The following SLMAP variants were observed in gnomAD, a reference collection of about 807,000 sequenced individuals.
The protein encoded by SLMAP is sarcolemma associated protein.
Under a neutral mutation model 128.8 loss-of-function variants are expected in SLMAP, and 44 were observed. That is an observed-to-expected ratio of 0.34 (90% CI 0.27 to 0.44). SLMAP has a LOEUF of 0.44. Among genes scored for constraint, SLMAP ranks in the 20% least tolerant of loss-of-function variants. SLMAP has a pLI of 1.00. For missense variants in SLMAP, 787 were observed against 985.3 expected (o/e 0.80, Z 2.69); for synonymous variants, 327 against 348.8 (o/e 0.94, Z 0.70).
At chr3:57,921,699 C>G (rs993154651) in intron 22 of SLMAP, among the ~76,000 whole-genome samples, 2 of 152,016 alleles carry the variant, frequency 1.3e-5, no homozygotes, top group African/African-American at 4.8e-5. Context: ...AGTTGATAAC[C>G]TAAGTTTTTT....
intron 15 of SLMAP, among the ~76,000 whole-genome samples, chr3:57,892,044 A>T (rs2096088043): frequency 6.6e-6 from 1 of 152,340 alleles, no homozygotes; most frequent in Non-Finnish European, 1.5e-5. Flanking sequence ...TTCTTTAAGA[A>T]TAATACAAAT....
chr3:57,781,419 A>AT (rs1273970726), intron 2 of SLMAP, among the ~76,000 whole-genome samples: 5 of 152,114 alleles, frequency 3.3e-5, no homozygotes, highest in Non-Finnish European at 5.9e-5. Flanking sequence ...GATATGGGAG[A>AT]TTTTCTAAGA....
chr3:57,875,555 C>T lies in SLMAP; in HGVS notation c.1300+3857C>T, dbSNP rs181441989. 3.2e-3 allele frequency among the ~76,000 whole-genome samples: 488 copies of T among 152,244 alleles called. 2 individuals are homozygous for T. The highest frequency in any genetic ancestry group is 0.011 in the African/African-American group (462 of 41,558). On this transcript the variant is annotated intron_variant, in intron 14 of 24. Coordinates refer to ENST00000671191, the MANE Select transcript of SLMAP (RefSeq NM_001377540.1). ...AACAAAACAAAAGAAAATAAGTATT[C>T]CCAGACATCTGAATCCTTTCGGTCC...
intron 2 of SLMAP, among the ~76,000 whole-genome samples, chr3:57,826,388 C>A (rs1376289250): frequency 6.6e-6 from 1 of 152,074 alleles, no homozygotes; most frequent in Admixed American, 6.5e-5. Flanking sequence ...TGGATGTGAC[C>A]TTGATACATT....
chr3:57,759,641 T>C (rs2153425833), intron 2 of SLMAP, among the ~76,000 whole-genome samples: 1 of 151,984 alleles, frequency 6.6e-6, no homozygotes, highest in South Asian at 2.1e-4. Flanking sequence ...CAAACATCAG[T>C]TTACTACTAA....
intron 2 of SLMAP, among the ~76,000 whole-genome samples, chr3:57,773,637 C>G (rs1317488316): frequency 6.6e-6 from 1 of 152,162 alleles, no homozygotes; most frequent in Non-Finnish European, 1.5e-5. Flanking sequence ...AACCCAATAA[C>G]TAAACTAGTA....
rs1040444720 is a variant in SLMAP, at chr3:57,871,563, T to G, written c.1238-73T>G. 4.4e-6 allele frequency: 5 copies of G among 1,146,396 alleles called. No individual in the cohort carries two copies. In the Admixed American group the frequency reaches 8.6e-5, roughly 20 times the overall value. The allele number at this position is 1,146,396 out of a possible 1,614,324, so 71.0% of individuals were successfully genotyped here. On this transcript the variant is annotated intron_variant, in intron 13 of 24. Coordinates refer to ENST00000671191, the MANE Select transcript of SLMAP (RefSeq NM_001377540.1). The stretch of plus-strand genomic sequence containing the variant: ...AGTACCCATGTTAATACTTTTCAGT[T>G]TTCCTACCTTTGCTGTTGGTTTTCA...
At chr3:57,880,212 T>C (rs2095701952) in intron 14 of SLMAP, among the ~76,000 whole-genome samples, 3 of 144,016 alleles carry the variant, frequency 2.1e-5, no homozygotes, top group African/African-American at 5.2e-5. Context: ...TTGTTTTGTT[T>C]TGTTCTTGAG....
chr3:57,866,874 CAA>C (rs879765331), intron 13 of SLMAP, among the ~76,000 whole-genome samples: 2 of 138,418 alleles, frequency 1.4e-5, no homozygotes, highest in Admixed American at 7.3e-5. Context: ...GACCCTGTCT[CAA>C]AAAAAAAAAA....
intron 4 of SLMAP, among the ~76,000 whole-genome samples, chr3:57,843,663 GAAAC>G (rs904916469): frequency 6.6e-6 from 1 of 150,782 alleles, no homozygotes; most frequent in Non-Finnish European, 1.5e-5. Flanking sequence ...CTAATGATAA[GAAAC>G]AAAGAGGCCC....
chr3:57,787,157 AGAT>A (rs2084379782), intron 2 of SLMAP, among the ~76,000 whole-genome samples: 1 of 152,210 alleles, frequency 6.6e-6, no homozygotes, highest in Non-Finnish European at 1.5e-5. Flanking sequence ...TCTCCCTTGA[AGAT>A]GAGAGAAGCT....
intron 2 of SLMAP, among the ~76,000 whole-genome samples, chr3:57,823,692 G>T (rs556117091): frequency 5.9e-5 from 9 of 152,290 alleles, no homozygotes; most frequent in Admixed American, 4.6e-4. Context: ...GTGTGCATGT[G>T]TCTTTATAGC....
At position 57,789,876 on chromosome 3, in the gene SLMAP, G is replaced by A. The variant is rs141824338; in HGVS notation, c.198+32027G>A. 8.0e-4 allele frequency among the ~76,000 whole-genome samples: 121 copies of A among 152,132 alleles called. 1 individual carries two copies. Among genetic ancestry groups the A allele is most frequent in the African/African-American group, 2.3e-3 (94 of 41,512 alleles). On this transcript the variant is annotated intron_variant, in intron 2 of 24. Coordinates refer to ENST00000671191, the MANE Select transcript of SLMAP (RefSeq NM_001377540.1). ...TTTCGAGATGGAGTCTCACTCTGTC[G>A]CCCAGGCTGGAGTGCAATGGCATGA...
intron 2 of SLMAP, among the ~76,000 whole-genome samples, chr3:57,766,493 C>T (rs957882923): frequency 3.3e-5 from 5 of 152,202 alleles, no homozygotes; most frequent in Admixed American, 6.5e-5. Context: ...CATTTATTAG[C>T]GGCTGAAACG....
chr3:57,840,277 T>A (rs1018501285), intron 3 of SLMAP, among the ~76,000 whole-genome samples: 1 of 152,254 alleles, frequency 6.6e-6, no homozygotes. Context: ...TTCTTAAAAT[T>A]CAGTTTTGTT....
chr3:57,769,515 A>G (rs1013760280), intron 2 of SLMAP, among the ~76,000 whole-genome samples: 1 of 151,884 alleles, frequency 6.6e-6, no homozygotes, highest in African/African-American at 2.4e-5. Flanking sequence ...TTAAGACACA[A>G]GGTCTCACTA....
At chr3:57,906,310 C>CTTTTTCTTTTTTTTTTTTTTTTTTTT (rs2096549127) in intron 17 of SLMAP, among the ~76,000 whole-genome samples, 4 of 47,048 alleles carry the variant, frequency 8.5e-5, no homozygotes, top group East Asian at 2.0e-3. Context: ...CTTTTTTTTT[C>CTTTTTCTTTTTTTTTTTTTTTTTTTT]TTTTTTTTTT....
chr3:57,901,552 C>A (rs1372909508), intron 17 of SLMAP: 1 of 152,198 alleles, frequency 6.6e-6, no homozygotes, highest in Non-Finnish European at 1.5e-5. Flanking sequence ...CTAGCTCCAA[C>A]TGCCAGTTTG....
intron 2 of SLMAP, among the ~76,000 whole-genome samples, chr3:57,784,493 G>T (rs2083687471): frequency 6.6e-6 from 1 of 152,136 alleles, no homozygotes; most frequent in Non-Finnish European, 1.5e-5. Flanking sequence ...TCTGTCCTAT[G>T]CCTGTGCCTT....
Sources: gnomAD v4.1 joint callset for allele counts (sites outside exome capture counted in the v4.1 genomes callset) on GRCh38, gnomAD v4.1.1 for gene constraint, MANE v1.5 for transcripts, NCBI Gene and HGNC (gene_info 2026-07-23, HGNC 2026-07-21) for gene names.